The following ANGPT1 variants were observed in gnomAD, a reference collection of about 807,000 sequenced individuals.
ANGPT1 encodes the protein angiopoietin 1, also known as angiopoietin-1.
In ANGPT1, 17 loss-of-function variants were observed where a neutral mutation model predicts 62.2. That is an observed-to-expected ratio of 0.27 (90% CI 0.19 to 0.41). The LOEUF (loss-of-function observed/expected upper bound fraction) is 0.41, where lower values mean the gene tolerates loss of function less well. Ranked by LOEUF, ANGPT1 falls within the 10% of genes least tolerant of loss-of-function variation. ANGPT1 has a pLI of 1.00. For missense variants in ANGPT1, 478 were observed against 594.9 expected (o/e 0.80, Z 2.04); for synonymous variants, 199 against 198.9 (o/e 1.00, Z 0.00).
intron 1 of ANGPT1, among the ~76,000 whole-genome samples, chr8:107,416,770 T>C (rs1026289547): frequency 2.6e-5 from 4 of 151,558 alleles, no homozygotes; most frequent in African/African-American, 9.7e-5. Flanking sequence ...AGGGGTCTTA[T>C]GACCTACAGA....
intron 1 of ANGPT1, among the ~76,000 whole-genome samples, chr8:107,444,361 C>G (rs1250682831): frequency 2.6e-5 from 4 of 152,168 alleles, no homozygotes; most frequent in African/African-American, 7.2e-5. Flanking sequence ...AAATCACACT[C>G]TCTTCAAGGA....
intron 1 of ANGPT1, among the ~76,000 whole-genome samples, chr8:107,469,587 A>T (rs1171030124): frequency 2.0e-5 from 3 of 152,052 alleles, no homozygotes; most frequent in Non-Finnish European, 4.4e-5. Context: ...TTTGCAGAAA[A>T]GTCCATGCCA....
intron 1 of ANGPT1, among the ~76,000 whole-genome samples, chr8:107,416,584 A>C (rs6469112): frequency 0.042 from 6,454 of 152,156 alleles, 489 homozygotes; most frequent in African/African-American, 0.15. Context: ...ACCTCATTGG[A>C]CAGGCAGGAT....
chr8:107,289,818 C>T (rs1470586895), intron 6 of ANGPT1, among the ~76,000 whole-genome samples: 1 of 152,072 alleles, frequency 6.6e-6, no homozygotes, highest in East Asian at 1.9e-4. Flanking sequence ...TTAGTCATTG[C>T]CTACAACAGT....
At chr8:107,496,442 A>G (rs1447660918) in intron 1 of ANGPT1, among the ~76,000 whole-genome samples, 5 of 152,218 alleles carry the variant, frequency 3.3e-5, no homozygotes, top group African/African-American at 1.2e-4. Flanking sequence ...CAACATTAAC[A>G]TTCATCAAAT....
intron 4 of ANGPT1, among the ~76,000 whole-genome samples, chr8:107,309,918 TTAAC>T (rs1329431521): frequency 6.6e-6 from 1 of 152,172 alleles, no homozygotes; most frequent in Non-Finnish European, 1.5e-5. Context: ...AAGTCTTTGA[TTAAC>T]TAAAAGTGTA....
chr8:107,306,541 A>G (rs1469737640), intron 4 of ANGPT1, among the ~76,000 whole-genome samples: 3 of 152,138 alleles, frequency 2.0e-5, no homozygotes, highest in Non-Finnish European at 4.4e-5. Context: ...AGTACTGCAG[A>G]GTTCTGAAGT....
chr8:107,419,312 T>C (rs1222893202), intron 1 of ANGPT1, among the ~76,000 whole-genome samples: 1 of 152,116 alleles, frequency 6.6e-6, no homozygotes, highest in East Asian at 1.9e-4. Flanking sequence ...TTCTCTGAAG[T>C]AGGTCATAAA....
chr8:107,370,363 AG>A (rs1240584213), intron 1 of ANGPT1, among the ~76,000 whole-genome samples: 7 of 32,044 alleles, frequency 2.2e-4, no homozygotes, highest in Admixed American at 5.3e-4. Context: ...AAAGAAAGAA[AG>A]AAAGAAAGAA....
At chr8:107,474,321 C>T (rs1310149686) in intron 1 of ANGPT1, among the ~76,000 whole-genome samples, 2 of 151,972 alleles carry the variant, frequency 1.3e-5, no homozygotes, top group African/African-American at 4.8e-5. Flanking sequence ...TAAACAGAAC[C>T]AAAGACAAAA....
intron 1 of ANGPT1, among the ~76,000 whole-genome samples, chr8:107,454,999 C>T (rs949752587): frequency 1.3e-5 from 2 of 152,006 alleles, no homozygotes; most frequent in Non-Finnish European, 2.9e-5. Flanking sequence ...CCTTTGGCTT[C>T]TATATGTCTT....
intron 1 of ANGPT1, among the ~76,000 whole-genome samples, chr8:107,456,014 T>G (rs923011574): frequency 3.3e-5 from 5 of 152,038 alleles, no homozygotes; most frequent in African/African-American, 1.2e-4. Context: ...GAAATGTACC[T>G]CGGAGATCTG....
At chr8:107,319,255 G>C (rs933341115) in intron 4 of ANGPT1, among the ~76,000 whole-genome samples, 1 of 152,092 alleles carries the variant, frequency 6.6e-6, no homozygotes, top group Non-Finnish European at 1.5e-5. Context: ...GGTTAAACTG[G>C]TTGCCAATGA....
At chr8:107,299,833 ATAT>A (rs1410689331) in intron 5 of ANGPT1, among the ~76,000 whole-genome samples, 18 of 87,718 alleles carry the variant, frequency 2.1e-4, no homozygotes, top group Non-Finnish European at 2.0e-4. Flanking sequence ...ATATGTAGTT[ATAT>A]CTAGATATAC....
intron 1 of ANGPT1, among the ~76,000 whole-genome samples, chr8:107,441,596 C>G (rs1811477273): frequency 6.6e-6 from 1 of 152,170 alleles, no homozygotes; most frequent in African/African-American, 2.4e-5. Context: ...GCTGCTTCAT[C>G]ACTAACAGGT....
At chr8:107,283,753 A>T (rs1470441482) in intron 7 of ANGPT1, among the ~76,000 whole-genome samples, 2 of 152,212 alleles carry the variant, frequency 1.3e-5, no homozygotes, top group Non-Finnish European at 2.9e-5. Context: ...ACTCTAATTT[A>T]CTAAGAATGA....
chr8:107,307,956 CCTT>C (rs1814759750), intron 4 of ANGPT1, among the ~76,000 whole-genome samples: 1 of 152,156 alleles, frequency 6.6e-6, no homozygotes, highest in African/African-American at 2.4e-5. Flanking sequence ...GTCCCACTAT[CCTT>C]CTCCAGTTTT....
At chr8:107,380,771 T>C (rs1816621337) in intron 1 of ANGPT1, among the ~76,000 whole-genome samples, 1 of 152,204 alleles carries the variant, frequency 6.6e-6, no homozygotes, top group Non-Finnish European at 1.5e-5. Context: ...TCTTTGCTAC[T>C]CAAGTAGGGC....
intron 7 of ANGPT1, among the ~76,000 whole-genome samples, chr8:107,281,353 T>C (rs1207041265): frequency 6.6e-6 from 1 of 152,180 alleles, no homozygotes; most frequent in Non-Finnish European, 1.5e-5. Flanking sequence ...TAATTTAATT[T>C]TTGAGAAAAG....
Sources: allele counts gnomAD v4.1 joint callset (sites outside exome capture counted in the v4.1 genomes callset), GRCh38; gene constraint gnomAD v4.1.1; transcripts MANE v1.5; gene names NCBI Gene and HGNC (gene_info 2026-07-23, HGNC 2026-07-21).